The following ATCAY variants were observed in gnomAD, a reference collection of about 807,000 sequenced individuals.
ATCAY encodes the protein ATCAY kinesin light chain interacting caytaxin.
Under a neutral mutation model 47.7 loss-of-function variants are expected in ATCAY, and 22 were observed. The ratio of observed to expected loss-of-function variants is 0.46; its 90% CI spans 0.33 to 0.66. ATCAY has a LOEUF of 0.66. Among genes scored for constraint, ATCAY ranks in the 30% least tolerant of loss-of-function variants. The probability of loss-of-function intolerance (pLI) is 0.02; values close to 1 mark genes in which losing one functional copy is unlikely to be tolerated. For missense variants in ATCAY, 452 were observed against 515.0 expected, an observed-to-expected ratio of 0.88 and a Z score of 1.18; for synonymous variants, 216 against 207.6, an observed-to-expected ratio of 1.04 and a Z score of -0.35.
In ATCAY at chr19:3,925,342, C is replaced by T. The variant is rs1423513343; in HGVS notation, c.*750C>T. On this transcript the variant is annotated 3_prime_UTR_variant, in exon 13 of 13. Coordinates refer to ENST00000450849, the MANE Select transcript of ATCAY (RefSeq NM_033064.5). This position sits in a 1 kb window ranked among gnomAD's most constrained non-coding sequence, Gnocchi z 4.4. ...AGATGTCAAGCCACCGGGCAAACCC[C>T]GTCAATACCTCCCACCAAGGAATGA... 1 of 152,246 alleles carries T rather than the reference C, an allele frequency of 6.6e-6. No homozygotes were observed. Among genetic ancestry groups the T allele is most frequent in the Non-Finnish European group, 1.5e-5 (1 of 68,084 alleles). 9.4% of individuals were successfully genotyped at this position (152,246 alleles called of 1,614,324 possible). A position where few individuals can be genotyped will look rare whatever the true frequency, so the allele number is the denominator to read the frequency against.
In ATCAY at chr19:3,917,608, A is replaced by AC; in HGVS notation, c.966-134_966-133insC. 5.9e-6 allele frequency: 5 copies of AC among 842,868 alleles called. No homozygotes were observed. In the African/African-American group the frequency reaches 7.2e-5, roughly 12 times the overall value. 52.2% of individuals were successfully genotyped at this position (842,868 alleles called of 1,614,324 possible). On this transcript the variant is annotated intron_variant, in intron 9 of 12. Coordinates refer to ENST00000450849, the MANE Select transcript of ATCAY (RefSeq NM_033064.5). ...TCAAAAAAAAAAAAAAAAAAAAAAA[A>AC]AAGGAAGAAGAAGAAGAAGAAAAGA... is the stretch of plus-strand genomic sequence containing the variant.
intron 1 of ATCAY, 78 bp from the exon 2 acceptor site, chr19:3,885,649 G>A: frequency 1.4e-6 from 1 of 733,730 alleles, no homozygotes. Flanking sequence ...AGTGGGAGGG[G>A]GAAGAGCTGC....
chr19:3,910,031 G>T (rs2038910228), intron 7 of ATCAY, among the ~76,000 whole-genome samples: 1 of 152,152 alleles, frequency 6.6e-6, no homozygotes, highest in African/African-American at 2.4e-5. Flanking sequence ...GGAGGTTGCA[G>T]TGAGCCGAGA....
chr19:3,881,870 C>CAA (rs1004449762), intron 1 of ATCAY, among the ~76,000 whole-genome samples: 1 of 135,582 alleles, frequency 7.4e-6, no homozygotes, highest in African/African-American at 3.3e-5. Flanking sequence ...GCCACCGCCC[C>CAA]CCCCCCGACC....
intron 8 of ATCAY, among the ~76,000 whole-genome samples, 195 bp from the exon 9 acceptor site, chr19:3,913,563 G>A (rs1397488852): frequency 6.6e-6 from 1 of 152,108 alleles, no homozygotes; most frequent in Non-Finnish European, 1.5e-5. Flanking sequence ...CGCAGACCCG[G>A]GGTCTCCACT....
At chr19:3,909,026 A>T (rs1357194137) in intron 6 of ATCAY, among the ~76,000 whole-genome samples, 1 of 86,192 alleles carries the variant, frequency 1.2e-5, no homozygotes, top group South Asian at 4.8e-4. Context: ...AAAAAAAAAA[A>T]GCAAGGCCTA....
At chr19:3,908,185 C>A in intron 5 of ATCAY, 83 bp from the exon 6 acceptor site, 1 of 1,257,468 alleles carries the variant, frequency 8.0e-7, no homozygotes, top group Non-Finnish European at 1.1e-6. Context: ...CGTGTGGGCA[C>A]CGGGACGTGG....
chr19:3,921,081 AG>A (rs1310920881), intron 12 of ATCAY, among the ~76,000 whole-genome samples: 2 of 152,140 alleles, frequency 1.3e-5, no homozygotes, highest in African/African-American at 4.8e-5. Flanking sequence ...GAGGCCCCAG[AG>A]TTATGCAGTG....
chr19:3,911,779 C>T (rs1265493890), intron 8 of ATCAY, among the ~76,000 whole-genome samples: 1 of 152,136 alleles, frequency 6.6e-6, no homozygotes, highest in Non-Finnish European at 1.5e-5. Context: ...TGTTCACGTT[C>T]CCAGTTACAA....
At chr19:3,894,764 C>T (rs2145230292) in intron 2 of ATCAY, among the ~76,000 whole-genome samples, 1 of 151,626 alleles carries the variant, frequency 6.6e-6, no homozygotes, top group African/African-American at 2.4e-5. Flanking sequence ...GCCTAGGCAC[C>T]ACAGTAAGAC....
At chr19:3,918,710 G>C (rs1190043961) in intron 10 of ATCAY, 96 bp from the exon 11 acceptor site, 1 of 1,331,464 alleles carries the variant, frequency 7.5e-7, no homozygotes, top group East Asian at 2.3e-5. Context: ...AGGTCCCAGG[G>C]GACAGGAAAA....
At chr19:3,890,008 C>G (rs57840041) in intron 2 of ATCAY, among the ~76,000 whole-genome samples, 59,425 of 149,948 alleles carry the variant, frequency 0.4, 13,256 homozygotes, top group African/African-American at 0.58. Flanking sequence ...GCAGTGGCGC[C>G]ATCTCAGCTC....
chr19:3,881,641 C>G (rs2145214698), intron 1 of ATCAY, among the ~76,000 whole-genome samples: 1 of 151,396 alleles, frequency 6.6e-6, no homozygotes, highest in South Asian at 2.1e-4. Context: ...GAGGACCCAC[C>G]CCACCCCATC....
chr19:3,895,865 G>A (rs890276916), intron 2 of ATCAY, among the ~76,000 whole-genome samples: 8 of 151,602 alleles, frequency 5.3e-5, no homozygotes, highest in Non-Finnish European at 1.5e-5. Context: ...ACAAGTGCAT[G>A]CCACCATGCC....
chr19:3,887,988 G>T (rs376373036), intron 2 of ATCAY, among the ~76,000 whole-genome samples: 1 of 151,672 alleles, frequency 6.6e-6, no homozygotes, highest in African/African-American at 2.4e-5. Context: ...GGTGGTGCAC[G>T]CCTGTAATCC....
chr19:3,905,538 T>C lies in ATCAY; in HGVS notation c.241T>C (p.Ser81Pro). The change falls in exon 4 of 13, where the codon TCC becomes CCC. Residue 81 changes from serine to proline, a missense_variant. By Grantham distance (74) the Ser-to-Pro change is moderately conservative (BLOSUM62 -1). Transcript: ENST00000450849. Reference protein sequence around the residue: ...SLDQSEGSLLSDDFLDTPDDL... With the variant: ...SLDQSEGSLLPDDFLDTPDDL... ...GGATCAGAGTGAGGGGTCCCTGCTG[T>C]CCGATGACTTCTTGGATACCCCTGA... 6.2e-7 allele frequency: 1 copy of C among 1,613,928 alleles called. No individual in the cohort carries two copies. The highest frequency in any genetic ancestry group is 8.5e-7 in the Non-Finnish European group (1 of 1,179,864).
chr19:3,893,163 GA>G (rs1289445568), intron 2 of ATCAY, among the ~76,000 whole-genome samples: 2 of 140,392 alleles, frequency 1.4e-5, no homozygotes, highest in South Asian at 2.3e-4. Flanking sequence ...ATGTGGGGGG[GA>G]CCCCCACTTT....
chr19:3,900,191 T>C (rs1259019604), intron 2 of ATCAY, among the ~76,000 whole-genome samples: 1 of 148,880 alleles, frequency 6.7e-6, no homozygotes, highest in African/African-American at 2.4e-5. Context: ...TTTTTTCTTT[T>C]CTCTCTTTTT....
intron 6 of ATCAY, 136 bp from the exon 7 acceptor site, chr19:3,909,350 G>T: frequency 1.0e-6 from 1 of 991,046 alleles, no homozygotes; most frequent in Non-Finnish European, 1.5e-6. Context: ...AGTCCGCCAG[G>T]ACAGCAGACA....
Sources: allele counts gnomAD v4.1 joint callset (sites outside exome capture counted in the v4.1 genomes callset), GRCh38; gene constraint gnomAD v4.1.1; non-coding constraint Gnocchi (gnomAD v3.1); transcripts MANE v1.5; gene names NCBI Gene and HGNC (gene_info 2026-07-23, HGNC 2026-07-21).